Variants in PCDHGA8 observed in about 807,000 individuals in gnomAD.
The protein encoded by PCDHGA8 is protocadherin gamma subfamily A, 8, also known as protocadherin gamma-A8.
PCDHGA8 carries 45 observed loss-of-function variants against 59.2 expected under a neutral mutation model. The ratio of observed to expected loss-of-function variants is 0.76; its 90% CI spans 0.60 to 0.98. The LOEUF is 0.98. PCDHGA8 is among the 50% of genes least tolerant of loss of function. PCDHGA8 has a pLI of 0.00. For missense variants in PCDHGA8, 1,257 were observed against 1,196.2 expected (o/e 1.05, Z -0.75); for synonymous variants, 531 against 519.0 (o/e 1.02, Z -0.32).
chr5:141,408,849 A>G (rs764977493), intron 1 of PCDHGA8: 1 of 1,613,610 alleles, frequency 6.2e-7, no homozygotes, highest in South Asian at 1.1e-5. Context: ...ACTGCCTTGG[A>G]CGGAGGGGAC....
chr5:141,476,535 T>C lies in PCDHGA8; in HGVS notation c.2425-18272T>C. 5 of 1,614,038 alleles carry C rather than the reference T, an allele frequency of 3.1e-6. No individual in the cohort carries two copies. The highest frequency in any genetic ancestry group is 4.2e-6 in the Non-Finnish European group (5 of 1,180,010). On this transcript the variant is annotated intron_variant, in intron 1 of 3. Coordinates refer to ENST00000398604, the MANE Select transcript of PCDHGA8 (RefSeq NM_032088.2). The surrounding 1 kb of genome is among the most constrained non-coding windows in gnomAD (Gnocchi z 7.6). ...AATCCTGCTTTCCCTACCCAGGAAA[T>C]GAAATTGGAGATTAGCGAGGCCGTG...
Position 141,489,662 on chromosome 5 carries a change from G to T in PCDHGA8, c.2425-5145G>T, listed in dbSNP as rs2233601. On this transcript the variant is annotated intron_variant, in intron 1 of 3. Transcript: ENST00000398604. The surrounding 1 kb of genome is among the most constrained non-coding windows in gnomAD (Gnocchi z 4.5). Reference sequence around the variant, plus strand: ...TTTGCCACCCCTGAGCGAGAGATGCGCATCTCAGAATCAGCAGCATCTGGG... The same window carrying T: ...TTTGCCACCCCTGAGCGAGAGATGCTCATCTCAGAATCAGCAGCATCTGGG... 2.5e-6 allele frequency: 4 copies of T among 1,614,024 alleles called. No homozygotes were observed. The African/African-American group carries it at 4.0e-5, about 16-fold the overall frequency.
intron 1 of PCDHGA8, chr5:141,441,751 A>G (rs946329290): frequency 5.3e-6 from 2 of 378,094 alleles, no homozygotes; most frequent in African/African-American, 2.2e-5. Flanking sequence ...CTCGGCGTCA[A>G]CGTGAGCCTG....
intron 1 of PCDHGA8, chr5:141,395,547 TGTGTGTGTGTGTGTGTGTGTGTGTG>T: frequency 5.8e-6 from 1 of 173,894 alleles, no homozygotes; most frequent in Admixed American, 6.5e-5. Context: ...ATTGTTTGTG[TGTGTGTGTGTGTGTGTGTGTGTGTG>T]TGTGTGTGTG....
rs1449605701 is a variant in PCDHGA8 at position 141,485,191 on chromosome 5, A to C, written c.2425-9616A>C. ...CGGCAGCAATGCTCCGCAAGGTGAG[A>C]AGCTGGACAGAAATCTGGCGGTGGG... is the stretch of plus-strand genomic sequence containing the variant. On this transcript the variant is annotated intron_variant, in intron 1 of 3. Coordinates refer to ENST00000398604, the MANE Select transcript of PCDHGA8 (RefSeq NM_032088.2). This position sits in a 1 kb window ranked among gnomAD's most constrained non-coding sequence, Gnocchi z 5.7. The C allele has an allele frequency of 6.2e-7, 1 of 1,613,836 alleles. No individual in the cohort carries two copies. The highest frequency in any genetic ancestry group is 1.3e-5 in the African/African-American group (1 of 75,042).
Position 141,419,080 on chromosome 5 carries a change from T to G in PCDHGA8, c.2424+23843T>G, listed in dbSNP as rs1286490083. The G allele has an allele frequency of 3.1e-6, 5 of 1,613,842 alleles. No individual in the cohort carries two copies. The South Asian group carries it at 5.5e-5, about 18-fold the overall frequency. On this transcript the variant is annotated intron_variant, in intron 1 of 3. Transcript: ENST00000398604. ...ATAATTACTACAAGCTAGTAACAGA[T>G]GAGGCCCTGGATCGGGAGCAGACCC... is the stretch of plus-strand genomic sequence containing the variant.
chr5:141,497,148 A>G (rs1436451953), intron 2 of PCDHGA8, among the ~76,000 whole-genome samples: 1 of 152,122 alleles, frequency 6.6e-6, no homozygotes, highest in Non-Finnish European at 1.5e-5. Context: ...ATCACGAAAA[A>G]AAAATAATCT....
At chr5:141,403,979 A>G in intron 1 of PCDHGA8, 1 of 1,613,932 alleles carries the variant, frequency 6.2e-7, no homozygotes, top group Non-Finnish European at 8.5e-7. Context: ...TGTAAATGAC[A>G]ATAGACCTGA....
At chr5:141,447,121 T>C (rs1341601610) in intron 1 of PCDHGA8, among the ~76,000 whole-genome samples, 1 of 152,104 alleles carries the variant, frequency 6.6e-6, no homozygotes, top group Non-Finnish European at 1.5e-5. Flanking sequence ...CTCCATGGAT[T>C]TTTTTGTTTG....
intron 2 of PCDHGA8, among the ~76,000 whole-genome samples, chr5:141,495,279 G>C (rs72790069): frequency 0.027 from 4,092 of 152,256 alleles, 88 homozygotes; most frequent in Middle Eastern, 0.048. Flanking sequence ...CGGAGGAGGC[G>C]GTCCGCACTC....
In PCDHGA8 at chr5:141,486,752, C is replaced by G. The variant is rs776406247; in HGVS notation, c.2425-8055C>G. On this transcript the variant is annotated intron_variant, in intron 1 of 3. Transcript: ENST00000398604. The surrounding 1 kb of genome is among the most constrained non-coding windows in gnomAD (Gnocchi z 5.0). ...TGCTACTCGATCCTTTGACTATGAG[C>G]AAACCCAGACACTGCAGTTTGAGGT... 6.2e-7 allele frequency: 1 copy of G among 1,614,244 alleles called. No individual in the cohort carries two copies. The highest frequency in any genetic ancestry group is 1.3e-5 in the African/African-American group (1 of 75,080).
At position 141,485,675 on chromosome 5, in the gene PCDHGA8, A is replaced by C. The variant is rs1562106929; in HGVS notation, c.2425-9132A>C. 6.2e-7 allele frequency: 1 copy of C among 1,613,068 alleles called. No homozygotes were observed. The highest frequency in any genetic ancestry group is 8.5e-7 in the Non-Finnish European group (1 of 1,179,150). On this transcript the variant is annotated intron_variant, in intron 1 of 3. Coordinates refer to ENST00000398604, the MANE Select transcript of PCDHGA8 (RefSeq NM_032088.2). The surrounding 1 kb of genome is among the most constrained non-coding windows in gnomAD (Gnocchi z 5.7). ...TGCAGATGTGGGGAGCAATTCGATT[A>C]GCAGCTATAGGCTGAGCTCCAATGA...
intron 1 of PCDHGA8, among the ~76,000 whole-genome samples, chr5:141,459,812 A>G (rs1390780491): frequency 1.3e-5 from 2 of 152,232 alleles, no homozygotes; most frequent in South Asian, 2.1e-4. Context: ...GACTAGAGAC[A>G]CTGAGCAACT....
intron 1 of PCDHGA8, chr5:141,492,027 A>T (rs1157170828): frequency 8.8e-6 from 5 of 565,466 alleles, no homozygotes; most frequent in African/African-American, 7.7e-5. Flanking sequence ...GGGTCCCGGG[A>T]GGAGGCAGTC....
At chr5:141,457,111 G>T (rs922281700) in intron 1 of PCDHGA8, among the ~76,000 whole-genome samples, 1 of 152,120 alleles carries the variant, frequency 6.6e-6, no homozygotes, top group African/African-American at 2.4e-5. Context: ...AGCAAAATAC[G>T]ACAGCAATGG....
At position 141,491,381 on chromosome 5, in the gene PCDHGA8, C is replaced by CT. The variant is rs1554177905; in HGVS notation, c.2425-3426_2425-3425insT. The CT allele has an allele frequency of 2.8e-5, 45 of 1,614,068 alleles. No individual in the cohort carries two copies. Among genetic ancestry groups the CT allele is most frequent in the Non-Finnish European group, 3.5e-5 (41 of 1,179,950 alleles). On this transcript the variant is annotated intron_variant, in intron 1 of 3. Coordinates refer to ENST00000398604, the MANE Select transcript of PCDHGA8 (RefSeq NM_032088.2). This position sits in a 1 kb window ranked among gnomAD's most constrained non-coding sequence, Gnocchi z 6.9. ...CTAGTCACCTTCACCTTTCTGTCAG[C>CT]GAAGTGCCTTCAGGGAAACGCAGAC...
intron 1 of PCDHGA8, chr5:141,422,201 G>T (rs764621323): frequency 1.9e-6 from 3 of 1,562,386 alleles, no homozygotes; most frequent in Admixed American, 2.0e-5. Flanking sequence ...GGCCAAGATG[G>T]TGGAGGTCTC....
At chr5:141,408,896 G>A (rs1441378199) in intron 1 of PCDHGA8, 5 of 1,613,328 alleles carry the variant, frequency 3.1e-6, no homozygotes, top group East Asian at 2.2e-5. Flanking sequence ...AGAAATTTCT[G>A]TCAAGGATAC....
rs2099521625 is a variant in PCDHGA8, at chr5:141,480,568, G to A, written c.2425-14239G>A. 2.0e-5 allele frequency among the ~76,000 whole-genome samples: 3 copies of A among 152,338 alleles called. No individual in the cohort carries two copies. The South Asian group carries it at 6.2e-4, about 32-fold the overall frequency. Reference sequence around the variant, plus strand: ...AAAGGCTAAGAAAGCATGAAAGCCAGCAAGAAATAACTGCCGCTCTTCTGG... The same window carrying A: ...AAAGGCTAAGAAAGCATGAAAGCCAACAAGAAATAACTGCCGCTCTTCTGG... On this transcript the variant is annotated intron_variant, in intron 1 of 3. Coordinates refer to ENST00000398604, the MANE Select transcript of PCDHGA8 (RefSeq NM_032088.2).
Sources: gnomAD v4.1 joint callset for allele counts (sites outside exome capture counted in the v4.1 genomes callset) on GRCh38, gnomAD v4.1.1 for gene constraint, Gnocchi (gnomAD v3.1) non-coding constraint, MANE v1.5 for transcripts, NCBI Gene and HGNC (gene_info 2026-07-23, HGNC 2026-07-21) for gene names.